TRPM3: variants seen among roughly 807,000 people sequenced by gnomAD.
The protein encoded by TRPM3 is long transient receptor potential channel 3.
Under a neutral mutation model 181.2 loss-of-function variants are expected in TRPM3, and 77 were observed. The ratio of observed to expected loss-of-function variants is 0.42; its 90% CI spans 0.35 to 0.51. TRPM3 has a LOEUF of 0.51. Among genes scored for constraint, TRPM3 ranks in the 20% least tolerant of loss-of-function variants. The pLI is 0.01. For missense variants in TRPM3, 1,759 were observed against 2,196.7 expected, an observed-to-expected ratio of 0.80 and a Z score of 3.98; for synonymous variants, 745 against 796.4, an observed-to-expected ratio of 0.94 and a Z score of 1.09.
chr9:70,693,638 T>C (rs541015877), intron 8 of TRPM3, among the ~76,000 whole-genome samples: 47 of 152,256 alleles, frequency 3.1e-4, no homozygotes, highest in Non-Finnish European at 5.9e-4. Flanking sequence ...TATCATAAAG[T>C]GCTATAGACA....
At chr9:70,817,024 ATATCT>A (rs879827978) in intron 6 of TRPM3, among the ~76,000 whole-genome samples, 19 of 152,226 alleles carry the variant, frequency 1.2e-4, no homozygotes, top group Non-Finnish European at 2.6e-4. Flanking sequence ...ATACACAGAC[ATATCT>A]TATTTATGAG....
chr9:70,629,910 G>A (rs757344889), intron 12 of TRPM3, among the ~76,000 whole-genome samples: 37 of 152,134 alleles, frequency 2.4e-4, no homozygotes, highest in Non-Finnish European at 4.6e-4. Context: ...GGAAGAAATC[G>A]GTTTTATAAC....
intron 1 of TRPM3, among the ~76,000 whole-genome samples, chr9:71,305,711 A>AG (rs2087233071): frequency 6.6e-6 from 1 of 152,190 alleles, no homozygotes; most frequent in Non-Finnish European, 1.5e-5. Context: ...AGTGGATTTG[A>AG]GGGTCATTAT....
intron 1 of TRPM3, among the ~76,000 whole-genome samples, chr9:70,901,680 G>C (rs2993015): frequency 0.016 from 2,400 of 152,240 alleles, 69 homozygotes; most frequent in African/African-American, 0.055. Flanking sequence ...GCAATATGTG[G>C]AGATGTGAAA....
chr9:71,251,561 AATTTTTT>A (rs1258972590), intron 1 of TRPM3, among the ~76,000 whole-genome samples: 4 of 152,144 alleles, frequency 2.6e-5, no homozygotes, highest in African/African-American at 9.7e-5. Flanking sequence ...TCTCCAAAGG[AATTTTTT>A]TAATTTTTAG....
chr9:70,741,499 C>CA (rs1455977147), intron 8 of TRPM3, among the ~76,000 whole-genome samples: 3 of 152,010 alleles, frequency 2.0e-5, no homozygotes. Context: ...AGTCATTATA[C>CA]AAAAAAAGAT....
At chr9:70,766,540 A>G (rs955444754) in intron 7 of TRPM3, among the ~76,000 whole-genome samples, 1 of 152,226 alleles carries the variant, frequency 6.6e-6, no homozygotes, top group South Asian at 2.1e-4. Context: ...TTTGGCACTT[A>G]AAAGACACAA....
chr9:71,197,112 C>A (rs1397229033), intron 1 of TRPM3, among the ~76,000 whole-genome samples: 1 of 152,090 alleles, frequency 6.6e-6, no homozygotes, highest in African/African-American at 2.4e-5. Flanking sequence ...TGAGTGAGAA[C>A]ATGCGATGTT....
intron 1 of TRPM3, among the ~76,000 whole-genome samples, chr9:71,212,241 T>C (rs2079553077): frequency 1.3e-5 from 2 of 152,190 alleles, no homozygotes; most frequent in Admixed American, 6.5e-5. Flanking sequence ...CTCTGCCTGC[T>C]GAATAGCTGG....
intron 1 of TRPM3, among the ~76,000 whole-genome samples, chr9:71,399,521 CTTTTGTTTTTTTT>C (rs200655945): frequency 0.062 from 6,672 of 107,532 alleles, 267 homozygotes; most frequent in East Asian, 0.18. Flanking sequence ...CTTATATTTT[CTTTTGTTTTTTTT>C]TTTTTTTTTT....
At chr9:70,570,921 CT>C in intron 22 of TRPM3, among the ~76,000 whole-genome samples, 1 of 152,190 alleles carries the variant, frequency 6.6e-6, no homozygotes, top group Non-Finnish European at 1.5e-5. Flanking sequence ...TTTTTCTTTC[CT>C]TTTATTCCAT....
At chr9:71,064,364 G>T (rs1377166724) in intron 1 of TRPM3, among the ~76,000 whole-genome samples, 3 of 151,620 alleles carry the variant, frequency 2.0e-5, no homozygotes, top group Non-Finnish European at 4.4e-5. Flanking sequence ...AGTAAATCTA[G>T]ACGTACTTTA....
chr9:70,574,356 C>T (rs920959213), intron 22 of TRPM3, among the ~76,000 whole-genome samples: 6 of 152,148 alleles, frequency 3.9e-5, no homozygotes, highest in Non-Finnish European at 1.5e-5. Context: ...AGTACCCTCC[C>T]CTCTGTCTCA....
At chr9:71,369,591 C>A (rs1399883556) in intron 1 of TRPM3, among the ~76,000 whole-genome samples, 1 of 152,172 alleles carries the variant, frequency 6.6e-6, no homozygotes, top group Non-Finnish European at 1.5e-5. Context: ...GCAACCTCCG[C>A]CTCCCAGGTT....
intron 1 of TRPM3, among the ~76,000 whole-genome samples, chr9:71,428,795 G>C (rs11142825): frequency 6.6e-6 from 1 of 151,866 alleles, no homozygotes; most frequent in Non-Finnish European, 1.5e-5. Flanking sequence ...CTTTCTCATG[G>C]CTCCTTTTAA....
chr9:71,181,193 T>A (rs1344808143), intron 1 of TRPM3, among the ~76,000 whole-genome samples: 1 of 152,154 alleles, frequency 6.6e-6, no homozygotes, highest in Non-Finnish European at 1.5e-5. Context: ...CACTCGCCAT[T>A]TGAACTGTCT....
At chr9:71,008,680 T>C (rs1239086491) in intron 1 of TRPM3, among the ~76,000 whole-genome samples, 1 of 152,048 alleles carries the variant, frequency 6.6e-6, no homozygotes, top group Non-Finnish European at 1.5e-5. Flanking sequence ...CTGTCTCTAC[T>C]AAAAATACAA....
chr9:71,148,081 G>C (rs1024457407), intron 1 of TRPM3, among the ~76,000 whole-genome samples: 1 of 148,244 alleles, frequency 6.7e-6, no homozygotes, highest in African/African-American at 2.5e-5. Context: ...GGGGATGACA[G>C]AGAGTAGTGT....
At chr9:71,352,955 T>C (rs1588631342) in intron 1 of TRPM3, among the ~76,000 whole-genome samples, 2 of 152,106 alleles carry the variant, frequency 1.3e-5, no homozygotes, top group African/African-American at 4.8e-5. Context: ...AGTCAAACTA[T>C]CCTGGCTTCA....
Sources: allele counts gnomAD v4.1 joint callset (sites outside exome capture counted in the v4.1 genomes callset), GRCh38; gene constraint gnomAD v4.1.1; transcripts MANE v1.5; gene names NCBI Gene and HGNC (gene_info 2026-07-23, HGNC 2026-07-21).